Variants in NR4A3 observed in about 807,000 individuals in gnomAD.
The protein encoded by NR4A3 is chondrosarcoma, extraskeletal myxoid, fused to EWS.
Under a neutral mutation model 55.6 loss-of-function variants are expected in NR4A3, and 13 were observed. That is an observed-to-expected ratio of 0.23 (90% CI 0.15 to 0.37). The LOEUF is 0.37. NR4A3 is among the 10% of genes least tolerant of loss of function. The pLI, the probability that NR4A3 is intolerant of heterozygous loss-of-function variation, is 1.00. For synonymous variants in NR4A3, 342 were observed against 357.9 expected (o/e 0.96, Z 0.50); for missense variants, 646 against 822.8 (o/e 0.79, Z 2.63).
chr9:99,851,388 T>C (rs1237594228), intron 7 of NR4A3, among the ~76,000 whole-genome samples: 1 of 152,160 alleles, frequency 6.6e-6, no homozygotes, highest in African/African-American at 2.4e-5. Flanking sequence ...AGCTGGGCTA[T>C]TTACATTACA....
intron 7 of NR4A3, among the ~76,000 whole-genome samples, chr9:99,861,942 A>G (rs146704028): frequency 1.3e-4 from 20 of 151,678 alleles, no homozygotes; most frequent in Admixed American, 2.6e-4. Flanking sequence ...AATAATTTAA[A>G]AATCAACCAG....
At position 99,830,477 on chromosome 9, in the gene NR4A3, A is replaced by G. The variant is rs151279607; in HGVS notation, c.951+1484A>G. On this transcript the variant is annotated intron_variant, in intron 3 of 7. Coordinates refer to ENST00000395097, the MANE Select transcript of NR4A3 (RefSeq NM_006981.4). ...CATTTGTGGAGGGATATACATAGCA[A>G]CAAGCAACAATTATTTTTGATCTTC... Among the ~76,000 whole-genome samples the G allele has an allele frequency of 3.3e-5, 5 of 152,166 alleles. No individual in the cohort carries two copies. The East Asian group carries it at 9.6e-4, about 29-fold the overall frequency.
chr9:99,834,791 C>T, intron 5 of NR4A3: 6 of 985,346 alleles, frequency 6.1e-6, no homozygotes, highest in Non-Finnish European at 6.0e-6. Flanking sequence ...CTCTCTGCAC[C>T]TGATAACAAA....
At chr9:99,835,682 A>G (rs1023006731) in intron 5 of NR4A3, among the ~76,000 whole-genome samples, 2 of 152,192 alleles carry the variant, frequency 1.3e-5, no homozygotes, top group East Asian at 1.9e-4. Flanking sequence ...ATCAGTCTAC[A>G]TGGCCTAATT....
At position 99,837,112 on chromosome 9, in the gene NR4A3, T is replaced by C. The variant is rs1370828896; in HGVS notation, c.1254+3658T>C. Among the ~76,000 whole-genome samples, 3 of 152,204 alleles carry C rather than the reference T, an allele frequency of 2.0e-5. No homozygotes were observed. The East Asian group carries it at 5.8e-4, about 29-fold the overall frequency. ...TTCTGGTTATTAATCCCTTGTCGGA[T>C]GGATAGTTTGCAAAATTTTCTCCCA... On this transcript the variant is annotated intron_variant, in intron 5 of 7. Transcript: ENST00000395097.
chr9:99,849,239 T>C (rs1039446213), intron 7 of NR4A3, among the ~76,000 whole-genome samples: 5 of 152,338 alleles, frequency 3.3e-5, no homozygotes, highest in African/African-American at 1.2e-4. Context: ...ATGGTTGACA[T>C]GCAGGCAAAG....
intron 5 of NR4A3, 137 bp from the exon 6 acceptor site, chr9:99,844,512 T>C (rs2118582444): frequency 7.7e-6 from 5 of 650,876 alleles, no homozygotes; most frequent in Non-Finnish European, 1.3e-5. Flanking sequence ...AGACTGTGAA[T>C]GTGAAGGGGT....
chr9:99,842,684 C>T (rs1315740319), intron 5 of NR4A3, among the ~76,000 whole-genome samples: 5 of 151,862 alleles, frequency 3.3e-5, no homozygotes, highest in African/African-American at 1.2e-4. Context: ...GAGCCAAGAT[C>T]GTGCCACTGC....
chr9:99,849,492 C>T (rs1292925631), intron 7 of NR4A3, among the ~76,000 whole-genome samples: 2 of 151,978 alleles, frequency 1.3e-5, no homozygotes, highest in African/African-American at 2.4e-5. Context: ...AGAAAATAAA[C>T]AGATTTAAGG....
intron 7 of NR4A3, among the ~76,000 whole-genome samples, chr9:99,851,580 C>G (rs556849688): frequency 6.6e-6 from 1 of 152,236 alleles, no homozygotes; most frequent in South Asian, 2.1e-4. Context: ...CTCCTCCTCT[C>G]TGTACCCCCT....
intron 7 of NR4A3, among the ~76,000 whole-genome samples, chr9:99,855,540 A>G (rs1827914786): frequency 6.6e-6 from 1 of 152,184 alleles, no homozygotes; most frequent in African/African-American, 2.4e-5. Context: ...GTCTCACTGG[A>G]GAGAGAGACA....
At chr9:99,837,537 TTAAA>T (rs1412199169) in intron 5 of NR4A3, among the ~76,000 whole-genome samples, 1 of 152,078 alleles carries the variant, frequency 6.6e-6, no homozygotes, top group East Asian at 1.9e-4. Flanking sequence ...ATAAACTTTA[TTAAA>T]TATTTTTAAA....
intron 5 of NR4A3, chr9:99,834,773 G>A (rs1030595180): frequency 1.7e-5 from 17 of 985,004 alleles, no homozygotes; most frequent in East Asian, 1.1e-4. Context: ...TATAGGCTGC[G>A]AAGCCTCCTC....
chr9:99,834,808 T>C, intron 5 of NR4A3: 2 of 985,438 alleles, frequency 2.0e-6, no homozygotes, highest in Non-Finnish European at 2.4e-6. Context: ...CAAAACGTCA[T>C]ATGAGAAGCA....
In NR4A3 at chr9:99,862,549, C is replaced by CAAAAAAAAAAAAAAAAAAAAAAAAAAAAA. The variant is rs59274273; in HGVS notation, c.1634-1065_1634-1037dup. Among the ~76,000 whole-genome samples, 19 of 72,812 alleles carry CAAAAAAAAAAAAAAAAAAAAAAAAAAAAA rather than the reference C, an allele frequency of 2.6e-4. 1 individual carries two copies. Among genetic ancestry groups the CAAAAAAAAAAAAAAAAAAAAAAAAAAAAA allele is most frequent in the Non-Finnish European group, 3.2e-4 (14 of 43,092 alleles). 47.8% of individuals were successfully genotyped at this position (72,812 alleles called of 152,430 possible). A position where few individuals can be genotyped will look rare whatever the true frequency, so the allele number is the denominator to read the frequency against. Reference sequence around the variant, plus strand: ...TAGGCAACAGAGTAAGACTCTGTCTCAAAAAAAAAAAAAAAAAAAAAAAAA... The same window carrying CAAAAAAAAAAAAAAAAAAAAAAAAAAAAA: ...TAGGCAACAGAGTAAGACTCTGTCTCAAAAAAAAAAAAAAAAAAAAAAAAAAAAAAAAAAAAAAAAAAAAAAAAAAAAAA... On this transcript the variant is annotated intron_variant, in intron 7 of 7. Transcript: ENST00000395097.
At chr9:99,824,343 A>T (rs1443504596) in intron 1 of NR4A3, among the ~76,000 whole-genome samples, 1 of 152,176 alleles carries the variant, frequency 6.6e-6, no homozygotes, top group Non-Finnish European at 1.5e-5. Context: ...CCCTCAGGGA[A>T]TGCGGGACGG....
At chr9:99,859,306 GAAGA>G (rs969644271) in intron 7 of NR4A3, among the ~76,000 whole-genome samples, 5 of 152,150 alleles carry the variant, frequency 3.3e-5, no homozygotes, top group African/African-American at 1.2e-4. Flanking sequence ...CAAGCTACAA[GAAGA>G]AAGGAGATCC....
In NR4A3 at chr9:99,826,754, A is replaced by C. The variant is rs779948403; in HGVS notation, c.-3+922A>C. 9 of 1,613,630 alleles carry C rather than the reference A, an allele frequency of 5.6e-6. No individual in the cohort carries two copies. In the African/African-American group the frequency reaches 8.0e-5, roughly 14 times the overall value. On this transcript the variant is annotated intron_variant, in intron 2 of 7. Transcript: ENST00000395097. Reference sequence around the variant, plus strand: ...GGCCCTCATCACCTTTTTTCAAGTCAAGATTTCATCCCATACATGCATGAC... The same window carrying C: ...GGCCCTCATCACCTTTTTTCAAGTCCAGATTTCATCCCATACATGCATGAC...
At chr9:99,848,694 G>C (rs1293179899) in intron 7 of NR4A3, among the ~76,000 whole-genome samples, 1 of 152,228 alleles carries the variant, frequency 6.6e-6, no homozygotes, top group Admixed American at 6.5e-5. Context: ...ATTTATGCCT[G>C]TCTCCCTCTA....
Sources: gnomAD v4.1 joint callset for allele counts (sites outside exome capture counted in the v4.1 genomes callset) on GRCh38, gnomAD v4.1.1 for gene constraint, MANE v1.5 for transcripts, NCBI Gene and HGNC (gene_info 2026-07-23, HGNC 2026-07-21) for gene names.